The following UIMC1 variants were observed in gnomAD, a reference collection of about 807,000 sequenced individuals.
The protein encoded by UIMC1 is ubiquitin interaction motif containing 1.
Under a neutral mutation model 84.9 loss-of-function variants are expected in UIMC1, and 42 were observed. The observed-to-expected ratio is 0.49, with a 90% CI of 0.39 to 0.64. The LOEUF is 0.64. Ranked by LOEUF, UIMC1 falls within the 30% of genes least tolerant of loss-of-function variation. The pLI is 0.00. For synonymous variants in UIMC1, 281 were observed against 293.0 expected, an observed-to-expected ratio of 0.96 and a Z score of 0.42; for missense variants, 825 against 847.6, an observed-to-expected ratio of 0.97 and a Z score of 0.33.
chr5:177,015,062 A>G (rs986222780), intron 1 of UIMC1, among the ~76,000 whole-genome samples: 1 of 152,150 alleles, frequency 6.6e-6, no homozygotes, highest in Non-Finnish European at 1.5e-5. Context: ...GTGAAACCTC[A>G]TCTCTACTAA....
chr5:177,004,808 C>T (rs1471719255), intron 1 of UIMC1, among the ~76,000 whole-genome samples: 1 of 152,140 alleles, frequency 6.6e-6, no homozygotes, highest in Non-Finnish European at 1.5e-5. Context: ...AGTCTGGGTA[C>T]CAAACTTGTC....
intron 1 of UIMC1, among the ~76,000 whole-genome samples, chr5:176,988,224 G>T (rs1472171869): frequency 3.3e-5 from 5 of 151,552 alleles, no homozygotes; most frequent in African/African-American, 1.2e-4. Flanking sequence ...CACTCTGATG[G>T]CTGGCTATTT....
intron 1 of UIMC1, among the ~76,000 whole-genome samples, chr5:177,016,515 C>T (rs533500687): frequency 1.7e-4 from 25 of 150,108 alleles, no homozygotes; most frequent in African/African-American, 4.9e-4. Context: ...CATGGTGAAA[C>T]GCCCCTCTAC....
At chr5:176,978,895 G>A (rs1005663118) in intron 2 of UIMC1, among the ~76,000 whole-genome samples, 1 of 152,068 alleles carries the variant, frequency 6.6e-6, no homozygotes, top group Non-Finnish European at 1.5e-5. Context: ...CAAAACATCA[G>A]AAGTAAAAGA....
rs548793888 is a variant in UIMC1, at chr5:176,930,816, G to C, written c.1597+12519C>G. Among the ~76,000 whole-genome samples, 551 of 152,330 alleles carry C rather than the reference G, an allele frequency of 3.6e-3. 8 individuals carry two copies. Among genetic ancestry groups the C allele is most frequent in the African/African-American group, 0.012 (510 of 41,562 alleles). ...CTCACAGGTTTACAGAGGCAACTAT[G>C]TCACATGGACGCTGTTCACCAGCAA... On this transcript the variant is annotated intron_variant, in intron 10 of 14. Coordinates refer to ENST00000511320, the MANE Select transcript of UIMC1 (RefSeq NM_001199298.2).
intron 10 of UIMC1, among the ~76,000 whole-genome samples, chr5:176,935,275 C>T (rs2149430714): frequency 1.3e-5 from 2 of 152,336 alleles, no homozygotes; most frequent in East Asian, 3.9e-4. Flanking sequence ...TTCCTACACA[C>T]TCTTCACATT....
At chr5:176,940,251 A>G (rs1764251352) in intron 10 of UIMC1, among the ~76,000 whole-genome samples, 1 of 152,240 alleles carries the variant, frequency 6.6e-6, no homozygotes, top group South Asian at 2.1e-4. Context: ...TCTTGTAATT[A>G]AACGATATCT....
At chr5:176,972,543 C>T (rs1048389782) in intron 3 of UIMC1, among the ~76,000 whole-genome samples, 3 of 152,106 alleles carry the variant, frequency 2.0e-5, no homozygotes, top group Non-Finnish European at 4.4e-5. Flanking sequence ...TGAGACCAGC[C>T]TGGCCTACAT....
chr5:176,934,011 A>G (rs1763427579), intron 10 of UIMC1, among the ~76,000 whole-genome samples: 1 of 152,154 alleles, frequency 6.6e-6, no homozygotes. Flanking sequence ...GTTGTACTAT[A>G]CATAGTCATA....
At chr5:176,975,589 G>A in intron 2 of UIMC1, 109 bp from the exon 3 acceptor site, 2 of 975,732 alleles carry the variant, frequency 2.0e-6, no homozygotes, top group African/African-American at 3.3e-5. Flanking sequence ...ATTGGTGATT[G>A]TTATAAATAT....
intron 10 of UIMC1, among the ~76,000 whole-genome samples, chr5:176,935,709 A>C (rs2149431258): frequency 6.6e-6 from 1 of 152,330 alleles, no homozygotes; most frequent in African/African-American, 2.4e-5. Context: ...GAACAGAACA[A>C]GTCCCAACTT....
intron 6 of UIMC1, among the ~76,000 whole-genome samples, chr5:176,966,487 T>A (rs1768326854): frequency 1.3e-5 from 2 of 152,172 alleles, no homozygotes; most frequent in South Asian, 2.1e-4. Context: ...CAGAATAACA[T>A]AATAGTAAAA....
chr5:177,007,340 CAAAAAAAA>C (rs56871601), upstream of UIMC1, among the ~76,000 whole-genome samples: 5 of 58,396 alleles, frequency 8.6e-5, no homozygotes, highest in East Asian at 6.3e-4. Context: ...GACTCCGTCT[CAAAAAAAA>C]AAAAAAAAAA....
At chr5:177,000,051 C>T (rs752061176) in intron 1 of UIMC1, among the ~76,000 whole-genome samples, 2 of 152,164 alleles carry the variant, frequency 1.3e-5, no homozygotes, top group Non-Finnish European at 2.9e-5. Context: ...CTCCACCTCC[C>T]GGGTTCACAC....
At chr5:177,018,730 G>T (rs1008503103) in intron 1 of UIMC1, among the ~76,000 whole-genome samples, 6 of 152,214 alleles carry the variant, frequency 3.9e-5, no homozygotes, top group Non-Finnish European at 5.9e-5. Context: ...TGGTGACAAT[G>T]AAGGCTGTTC....
intron 10 of UIMC1, among the ~76,000 whole-genome samples, chr5:176,917,935 G>C (rs999631867): frequency 6.6e-6 from 1 of 152,088 alleles, no homozygotes; most frequent in African/African-American, 2.4e-5. Flanking sequence ...CTCCAGTCTG[G>C]GCAACAACAG....
At chr5:177,013,238 G>A (rs1466598367) in intron 1 of UIMC1, among the ~76,000 whole-genome samples, 1 of 151,928 alleles carries the variant, frequency 6.6e-6, no homozygotes, top group Non-Finnish European at 1.5e-5. Flanking sequence ...GTGCACATCT[G>A]TAATCCCAGC....
Position 176,968,812 on chromosome 5 carries a change from G to A in UIMC1, c.943C>T (p.Leu315Phe), listed in dbSNP as rs1343267559. 1.2e-6 allele frequency: 2 copies of A among 1,614,156 alleles called. No individual in the cohort carries two copies. Among genetic ancestry groups the A allele is most frequent in the Non-Finnish European group, 1.7e-6 (2 of 1,180,028 alleles). The change falls in exon 6 of 15, where the codon CTT (leucine) becomes TTT (phenylalanine). Residue 315 changes from leucine to phenylalanine, a missense_variant. Leu to Phe is a conservative substitution (Grantham distance 22). Coordinates refer to ENST00000511320, the MANE Select transcript of UIMC1 (RefSeq NM_001199298.2). ...KSLKMAQRQL[L>F]NKKGFGEPVL... The stretch of plus-strand genomic sequence containing the variant: ...GGTTCCCCAAAACCTTTTTTATTAA[G>A]GAGCTGCCTCTGAGCCATTTTCAGG...
intron 6 of UIMC1, among the ~76,000 whole-genome samples, chr5:176,958,971 A>G (rs1348516260): frequency 1.3e-5 from 2 of 152,248 alleles, no homozygotes; most frequent in Non-Finnish European, 2.9e-5. Context: ...TACCAGCTGA[A>G]GTTTTCAAGG....
Sources: allele counts gnomAD v4.1 joint callset (sites outside exome capture counted in the v4.1 genomes callset), GRCh38; gene constraint gnomAD v4.1.1; transcripts MANE v1.5; gene names NCBI Gene and HGNC (gene_info 2026-07-23, HGNC 2026-07-21).